SMG1: variants seen among roughly 807,000 people sequenced by gnomAD.
SMG1 encodes SMG1 nonsense mediated mRNA decay associated PI3K related kinase.
In SMG1, 22 loss-of-function variants were observed where a neutral mutation model predicts 419.9. The ratio of observed to expected loss-of-function variants is 0.05; its 90% CI spans 0.04 to 0.07. The LOEUF is 0.07. Ranked by LOEUF, SMG1 falls within the 10% of genes least tolerant of loss-of-function variation. The pLI is 1.00. For synonymous variants in SMG1, 1,538 were observed against 1,553.5 expected, an observed-to-expected ratio of 0.99 and a Z score of 0.23; for missense variants, 3,185 against 4,342.0, an observed-to-expected ratio of 0.73 and a Z score of 7.49.
Position 18,868,360 on chromosome 16 carries a change from C to G in SMG1, c.3031-6G>C, listed in dbSNP as rs978942402. ...TAGAAAAAAGTTCTAATGACCTTTA[C>G]GATAAGAGAAAGAAAAGCTCAGGAC... On this transcript the variant is annotated splice_polypyrimidine_tract_variant and splice_region_variant and intron_variant, in intron 21 of 62. Transcript: ENST00000446231. 3.1e-6 allele frequency: 4 copies of G among 1,302,688 alleles called. No homozygotes were observed. Among genetic ancestry groups the G allele is most frequent in the Non-Finnish European group, 4.3e-6 (4 of 938,390 alleles). The allele number at this position is 1,302,688 out of a possible 1,614,324, so 80.7% of individuals were successfully genotyped here.
chr16:18,832,261 GGGAT>G (rs2033238925), intron 51 of SMG1, among the ~76,000 whole-genome samples: 1 of 152,182 alleles, frequency 6.6e-6, no homozygotes, highest in Non-Finnish European at 1.5e-5. Flanking sequence ...AAGAAGCTTA[GGGAT>G]TAGCTCTGAG....
Position 18,807,778 on chromosome 16 carries a change from GAC to G in SMG1, c.*1789_*1790del, listed in dbSNP as rs1943018742. 6.6e-6 allele frequency: 1 copy of G among 151,632 alleles called. No individual in the cohort carries two copies. Among genetic ancestry groups the G allele is most frequent in the South Asian group, 2.1e-4 (1 of 4,816 alleles). 9.4% of individuals were successfully genotyped at this position (151,632 alleles called of 1,614,324 possible). Reference sequence around the variant, plus strand: ...TTTTTTTATCTAGTCATTTATTTTTGACACAGAGTCTAGCTCTGTTGCCCAGG... The same window carrying G: ...TTTTTTTATCTAGTCATTTATTTTTGACAGAGTCTAGCTCTGTTGCCCAGG... On this transcript the variant is annotated 3_prime_UTR_variant, in exon 63 of 63. Transcript: ENST00000446231.
At chr16:18,843,138 T>A (rs1316183112) in intron 39 of SMG1, among the ~76,000 whole-genome samples, 3 of 152,194 alleles carry the variant, frequency 2.0e-5, no homozygotes, top group African/African-American at 7.2e-5. Context: ...TTGCAATAGG[T>A]ACAGCTAGCA....
At chr16:18,848,318 C>CA (rs886360487) in intron 36 of SMG1, among the ~76,000 whole-genome samples, 5 of 142,208 alleles carry the variant, frequency 3.5e-5, no homozygotes, top group Non-Finnish European at 7.7e-5. Context: ...TGGTATAATC[C>CA]TTTTTTTTTT....
intron 1 of SMG1, among the ~76,000 whole-genome samples, chr16:18,906,380 G>A (rs966897861): frequency 3.3e-5 from 5 of 152,084 alleles, no homozygotes; most frequent in African/African-American, 1.2e-4. Context: ...CTACACGGGA[G>A]ACTGACACAG....
rs775412504 is a variant in SMG1 at position 18,812,036 on chromosome 16, A to G, written c.10713T>C (p.Ala3571=). 1.1e-5 allele frequency: 18 copies of G among 1,613,900 alleles called. No individual in the cohort carries two copies. The South Asian group carries it at 2.0e-4, about 18-fold the overall frequency. The change falls in exon 61 of 63, where the codon GCT becomes GCC. Residue 3571 remains alanine (A), a synonymous_variant. Coordinates refer to ENST00000446231, the MANE Select transcript of SMG1 (RefSeq NM_015092.5). The part of the protein sequence containing the change: ...KLIQKNLATS[A]DTPPSTVPGT... The stretch of plus-strand genomic sequence containing the variant: ...CTGGAACGGTGCTTGGTGGAGTATC[A>G]GCTGATGTAGCAAGATTTTTTTGGA...
At chr16:18,835,313 T>C in intron 48 of SMG1, 149 bp from the exon 49 acceptor site, 1 of 857,076 alleles carries the variant, frequency 1.2e-6, no homozygotes, top group African/African-American at 1.7e-5. Context: ...CTTAAGCAAT[T>C]TCCTAAAAGG....
intron 18 of SMG1, among the ~76,000 whole-genome samples, 152 bp downstream of exon 18, chr16:18,870,458 G>A (rs115494705): frequency 0.019 from 2,851 of 152,226 alleles, 94 homozygotes; most frequent in African/African-American, 0.065. Flanking sequence ...TGCAAAATTC[G>A]ATTATTTGAC....
At chr16:18,872,116 C>A (rs2035855203) in intron 15 of SMG1, 68 bp downstream of exon 15, 6 of 994,884 alleles carry the variant, frequency 6.0e-6, no homozygotes, top group Non-Finnish European at 8.4e-6. Flanking sequence ...ATCCACATTT[C>A]TTATTCTCAA....
chr16:18,920,108 G>A (rs927267655), intron 1 of SMG1, among the ~76,000 whole-genome samples: 8 of 151,756 alleles, frequency 5.3e-5, no homozygotes, highest in Admixed American at 2.6e-4. Context: ...AAGGCCGGGT[G>A]CAGTGGCACA....
In SMG1 at chr16:18,815,334, T is replaced by C. The variant is rs998094828; in HGVS notation, c.10515-53A>G. 8 of 1,533,234 alleles carry C rather than the reference T, an allele frequency of 5.2e-6. No homozygotes were observed. The African/African-American group carries it at 1.1e-4, about 21-fold the overall frequency. The allele number at this position is 1,533,234 out of a possible 1,614,324, so 95.0% of individuals were successfully genotyped here. On this transcript the variant is annotated intron_variant, in intron 59 of 62. Coordinates refer to ENST00000446231, the MANE Select transcript of SMG1 (RefSeq NM_015092.5). ...TACGAAATGTTTTACCTGATACTAC[T>C]TATAAAAATATGAACAAAACTGAAA...
intron 33 of SMG1, 114 bp downstream of exon 33, chr16:18,851,953 T>G (rs2034627431): frequency 8.8e-7 from 1 of 1,138,102 alleles, no homozygotes. Flanking sequence ...AGTTTTTATT[T>G]ACAACAACAA....
intron 39 of SMG1, among the ~76,000 whole-genome samples, 168 bp from the exon 40 acceptor site, chr16:18,842,622 C>T (rs1362062837): frequency 6.6e-6 from 1 of 152,110 alleles, no homozygotes; most frequent in Non-Finnish European, 1.5e-5. Flanking sequence ...TTCAGAAGTT[C>T]AAGACCAGCC....
Position 18,817,426 on chromosome 16 carries a change from T to A in SMG1, c.9939A>T (p.Arg3313=). The A allele has an allele frequency of 6.3e-7, 1 of 1,594,060 alleles. No individual in the cohort carries two copies. Among genetic ancestry groups the A allele is most frequent in the Non-Finnish European group, 8.6e-7 (1 of 1,169,152 alleles). The part of the protein sequence containing the change: ...CSNIIHFESL[R]TRTAEALNLD... Reference sequence around the variant, plus strand: ...GGTTTAAGGCTTCTGCAGTTCTTGTTCGTAAACTTTCAAAATGAATGATAT... The same window carrying A: ...GGTTTAAGGCTTCTGCAGTTCTTGTACGTAAACTTTCAAAATGAATGATAT... Residue 3313 remains arginine, a synonymous_variant, in exon 57 of 63, where the codon CGA becomes CGT. Transcript: ENST00000446231.
At position 18,836,427 on chromosome 16, in the gene SMG1, T is replaced by C. The variant is rs2033577767; in HGVS notation, c.7710A>G (p.Ala2570=). The part of the protein sequence containing the change: ...FEQWITHYQA[A]FNNLEATQLA... ...GCTGTGTTGCTTCTAAATTATTGAA[T>C]GCAGCCTGATAATGTGTTATCCATT... Residue 2570 remains alanine, a synonymous_variant, in exon 47 of 63, where the codon GCA becomes GCG. Coordinates refer to ENST00000446231, the MANE Select transcript of SMG1 (RefSeq NM_015092.5). 1 of 1,613,962 alleles carries C rather than the reference T, an allele frequency of 6.2e-7. No individual in the cohort carries two copies. The highest frequency in any genetic ancestry group is 1.7e-5 in the Admixed American group (1 of 60,016).
At chr16:18,885,285 A>G (rs1596595068) in intron 7 of SMG1, 123 bp from the exon 8 acceptor site, 1 of 641,532 alleles carries the variant, frequency 1.6e-6, no homozygotes. Context: ...TTGACATTCT[A>G]GAAACTTAGA....
chr16:18,859,795 G>A (rs2035117311), intron 26 of SMG1, 92 bp from the exon 27 acceptor site: 1 of 788,824 alleles, frequency 1.3e-6, no homozygotes, highest in Non-Finnish European at 2.0e-6. Flanking sequence ...AATCACCAAT[G>A]AACAGCTCCT....
rs368395879 is a variant in SMG1, at chr16:18,873,495, C to T, written c.1891-871G>A. ...CCTCGGTCTCCCGAGGGATTACAGG[C>T]GTGAACCACTGCGCCCAGCCCAACG... On this transcript the variant is annotated intron_variant, in intron 13 of 62. Coordinates refer to ENST00000446231, the MANE Select transcript of SMG1 (RefSeq NM_015092.5). Among the ~76,000 whole-genome samples the T allele has an allele frequency of 1.4e-4, 22 of 152,288 alleles. No homozygotes were observed. The East Asian group carries it at 3.3e-3, about 23-fold the overall frequency.
chr16:18,900,585 C>G (rs563152607), intron 1 of SMG1, among the ~76,000 whole-genome samples: 1 of 152,288 alleles, frequency 6.6e-6, no homozygotes, highest in South Asian at 2.1e-4. Flanking sequence ...GATGCAAACA[C>G]CATACCTAGT....
Sources: gnomAD v4.1 joint callset for allele counts (sites outside exome capture counted in the v4.1 genomes callset) on GRCh38, gnomAD v4.1.1 for gene constraint, MANE v1.5 for transcripts, NCBI Gene and HGNC (gene_info 2026-07-23, HGNC 2026-07-21) for gene names.